Variants in PDE9A observed in about 807,000 individuals in gnomAD.
The protein encoded by PDE9A is high affinity cGMP-specific 3',5'-cyclic phosphodiesterase 9A.
In PDE9A, 60 loss-of-function variants were observed where a neutral mutation model predicts 87.4. The ratio of observed to expected loss-of-function variants is 0.69; its 90% CI spans 0.56 to 0.85. The LOEUF is 0.85. Among genes scored for constraint, PDE9A ranks in the 40% least tolerant of loss-of-function variants. The pLI is 0.00. For missense variants in PDE9A, 665 were observed against 779.0 expected (o/e 0.85, Z 1.74); for synonymous variants, 272 against 279.4 (o/e 0.97, Z 0.27).
In PDE9A at chr21:42,733,212, T is replaced by C. The variant is rs187496039; in HGVS notation, c.498-144T>C. 4.4e-3 allele frequency: 2,764 copies of C among 623,142 alleles called. 7 individuals carry two copies. The highest frequency in any genetic ancestry group is 5.3e-3 in the Non-Finnish European group (1,822 of 343,054). 38.6% of individuals were successfully genotyped at this position (623,142 alleles called of 1,614,324 possible). A position where few individuals can be genotyped will look rare whatever the true frequency, so the allele number is the denominator to read the frequency against. ...GATTTCTGAAAAGCAAGTCCTAGCA[T>C]GTTGGCACCTCAGACCCTCACCAGC... On this transcript the variant is annotated intron_variant, in intron 6 of 19. Transcript: ENST00000291539.
At chr21:42,703,789 G>A (rs1602153337) in intron 4 of PDE9A, among the ~76,000 whole-genome samples, 1 of 152,224 alleles carries the variant, frequency 6.6e-6, no homozygotes, top group East Asian at 1.9e-4. Flanking sequence ...CTGCAACTTG[G>A]ATCCTAGGAG....
At chr21:42,684,452 C>T (rs1569142413) in intron 1 of PDE9A, among the ~76,000 whole-genome samples, 1 of 152,218 alleles carries the variant, frequency 6.6e-6, no homozygotes, top group South Asian at 2.1e-4. Flanking sequence ...GAGGCCGCAG[C>T]GTGAACTGTG....
chr21:42,748,958 C>T (rs1175479666), intron 8 of PDE9A, among the ~76,000 whole-genome samples: 1 of 152,154 alleles, frequency 6.6e-6, no homozygotes, highest in African/African-American at 2.4e-5. Context: ...GCATAATATC[C>T]GTGATGATCC....
chr21:42,690,582 C>T (rs1166510372), intron 3 of PDE9A, among the ~76,000 whole-genome samples: 1 of 151,976 alleles, frequency 6.6e-6, no homozygotes, highest in African/African-American at 2.4e-5. Flanking sequence ...ATTTGTCCCC[C>T]AGGCTGGTGC....
intron 1 of PDE9A, among the ~76,000 whole-genome samples, chr21:42,656,064 G>A (rs1344522945): frequency 1.3e-5 from 2 of 152,236 alleles, no homozygotes; most frequent in Non-Finnish European, 2.9e-5. Context: ...CAGTGCCGCT[G>A]CCATCAGCCG....
In PDE9A at chr21:42,660,521, C is replaced by T. The variant is rs1315107363; in HGVS notation, c.69+6638C>T. ...GGATGAAAGACCACGCTCTGGGTAC[C>T]GTGTACACCGCTCGGGTGACAGTGC... On this transcript the variant is annotated intron_variant, in intron 1 of 19. Coordinates refer to ENST00000291539, the MANE Select transcript of PDE9A (RefSeq NM_002606.3). The surrounding 1 kb of genome is among the most constrained non-coding windows in gnomAD (Gnocchi z 4.7). Among the ~76,000 whole-genome samples, 1 of 151,780 alleles carries T rather than the reference C, an allele frequency of 6.6e-6. No individual in the cohort carries two copies. Among genetic ancestry groups the T allele is most frequent in the Non-Finnish European group, 1.5e-5 (1 of 67,996 alleles).
At chr21:42,661,192 C>T (rs34364677) in intron 1 of PDE9A, among the ~76,000 whole-genome samples, 8,376 of 151,924 alleles carry the variant, frequency 0.055, 309 homozygotes, top group Middle Eastern at 0.1. Context: ...CCACCAGGCC[C>T]GGCTAATTTT....
At chr21:42,690,607 C>T (rs547983725) in intron 3 of PDE9A, among the ~76,000 whole-genome samples, 1 of 152,080 alleles carries the variant, frequency 6.6e-6, no homozygotes, top group African/African-American at 2.4e-5. Context: ...GCCTCCTGCA[C>T]CCCCGTCTCC....
At chr21:42,714,522 T>C (rs1371870165) in intron 4 of PDE9A, among the ~76,000 whole-genome samples, 1 of 151,688 alleles carries the variant, frequency 6.6e-6, no homozygotes, top group African/African-American at 2.4e-5. Context: ...TTTATTGATA[T>C]GGTTGAGGTT....
At position 42,666,137 on chromosome 21, in the gene PDE9A, C is replaced by T. The variant is rs1225761487; in HGVS notation, c.69+12254C>T. ...GTGGCCACCAGTGCAGTGGGCGTGG[C>T]CACAACCGAGAGGGCGTGGTCATTC... is the stretch of plus-strand genomic sequence containing the variant. On this transcript the variant is annotated intron_variant, in intron 1 of 19. Coordinates refer to ENST00000291539, the MANE Select transcript of PDE9A (RefSeq NM_002606.3). Among the ~76,000 whole-genome samples, 6 of 152,048 alleles carry T rather than the reference C, an allele frequency of 3.9e-5. No individual in the cohort carries two copies. The South Asian group carries it at 6.2e-4, about 16-fold the overall frequency.
intron 14 of PDE9A, among the ~76,000 whole-genome samples, chr21:42,764,381 G>A (rs546797206): frequency 6.6e-6 from 1 of 152,340 alleles, no homozygotes; most frequent in Admixed American, 6.5e-5. Flanking sequence ...ACGATAAGCT[G>A]TGGCAAATCT....
At chr21:42,724,700 A>T (rs536796061) in intron 4 of PDE9A, 1 of 595,636 alleles carries the variant, frequency 1.7e-6, no homozygotes, top group African/African-American at 2.0e-5. Context: ...TTGTGTCTGT[A>T]CCCTTCCTGA....
intron 17 of PDE9A, among the ~76,000 whole-genome samples, chr21:42,769,645 G>GCACACCGGT (rs1569280239): frequency 3.5e-4 from 13 of 37,030 alleles, no homozygotes; most frequent in African/African-American, 1.5e-3. Context: ...CACACACAGG[G>GCACACCGGT]ACACACAGGC....
intron 4 of PDE9A, among the ~76,000 whole-genome samples, chr21:42,725,481 C>A (rs1379380691): frequency 6.6e-6 from 1 of 152,118 alleles, no homozygotes; most frequent in Non-Finnish European, 1.5e-5. Flanking sequence ...TCTGGTGATC[C>A]ACCCACCTCA....
intron 8 of PDE9A, among the ~76,000 whole-genome samples, chr21:42,747,069 C>T (rs547238947): frequency 1.3e-5 from 2 of 152,350 alleles, no homozygotes; most frequent in Admixed American, 6.5e-5. Flanking sequence ...GCTCTGGTCT[C>T]ATCCCCAGCC....
intron 19 of PDE9A, among the ~76,000 whole-genome samples, chr21:42,773,720 G>C (rs61128886): frequency 0.18 from 27,027 of 151,172 alleles, 3,298 homozygotes; most frequent in African/African-American, 0.35. Flanking sequence ...AGAATGGAGT[G>C]AACCCAGGAG....
At chr21:42,753,688 T>G (rs2054672988) in intron 9 of PDE9A, among the ~76,000 whole-genome samples, 1 of 151,620 alleles carries the variant, frequency 6.6e-6, no homozygotes, top group Non-Finnish European at 1.5e-5. Context: ...CATCGTGAAC[T>G]CCCCATCTCT....
chr21:42,758,720 G>A (rs1242197411), intron 10 of PDE9A: 2 of 386,560 alleles, frequency 5.2e-6, no homozygotes, highest in East Asian at 4.7e-5. Context: ...CCTTGACTTC[G>A]GAACTGGCCC....
At chr21:42,709,646 CTT>C (rs773885730) in intron 4 of PDE9A, among the ~76,000 whole-genome samples, 111 of 152,254 alleles carry the variant, frequency 7.3e-4, no homozygotes, top group Admixed American at 4.1e-3. Context: ...TGTCTGGACT[CTT>C]TCACTCAACA....
Sources: allele counts gnomAD v4.1 joint callset (sites outside exome capture counted in the v4.1 genomes callset), GRCh38; gene constraint gnomAD v4.1.1; non-coding constraint Gnocchi (gnomAD v3.1); transcripts MANE v1.5; gene names NCBI Gene and HGNC (gene_info 2026-07-23, HGNC 2026-07-21).